The following GALNT1 variants were observed in gnomAD, a reference collection of about 807,000 sequenced individuals.
GALNT1 encodes GalNAc transferase 1.
A neutral mutation model predicts 65.7 loss-of-function variants in GALNT1; 17 were observed. That is an observed-to-expected ratio of 0.26 (90% CI 0.18 to 0.39). The LOEUF (loss-of-function observed/expected upper bound fraction) is 0.39. GALNT1 is among the 10% of genes least tolerant of loss of function. The pLI is 1.00. For synonymous variants in GALNT1, 210 were observed against 219.7 expected, an observed-to-expected ratio of 0.96 and a Z score of 0.39; for missense variants, 460 against 672.8, an observed-to-expected ratio of 0.68 and a Z score of 3.50.
Position 35,702,914 on chromosome 18 carries a change from G to T in GALNT1, c.1317G>T (p.Thr439=), listed in dbSNP as rs551436001. 6.2e-7 allele frequency: 1 copy of T among 1,604,154 alleles called. No individual in the cohort carries two copies. The highest frequency in any genetic ancestry group is 2.2e-5 in the East Asian group (1 of 44,692). ...FSLGEIRNVE[T]NQCLDNMARK... ...TCCCATAGATACGAAATGTGGAAAC[G>T]AATCAGTGTCTAGATAACATGGCTA... Residue 439 remains threonine (T), a synonymous_variant, in exon 10 of 12, where the codon ACG becomes ACT. Transcript: ENST00000269195.
rs1299388978 is a variant in GALNT1 at position 35,692,323 on chromosome 18, A to G, written c.1299+3A>G. 6.5e-7 allele frequency: 1 copy of G among 1,530,488 alleles called. No homozygotes were observed. The highest frequency in any genetic ancestry group is 1.2e-5 in the South Asian group (1 of 86,598). The allele number at this position is 1,530,488 out of a possible 1,614,324, so 94.8% of individuals were successfully genotyped here. A position where few individuals can be genotyped will look rare whatever the true frequency, so the allele number is the denominator to read the frequency against. ...GTCACTATTTCTCATTGGGAGAGGT[A>G]AGAAATATATATATATATATTCTAT... On this transcript the variant is annotated splice_donor_region_variant and intron_variant, in intron 9 of 11. Coordinates refer to ENST00000269195, the MANE Select transcript of GALNT1 (RefSeq NM_020474.4).
intron 1 of GALNT1, among the ~76,000 whole-genome samples, chr18:35,652,636 A>G (rs879652756): frequency 6.6e-6 from 1 of 152,114 alleles, no homozygotes; most frequent in Non-Finnish European, 1.5e-5. Flanking sequence ...TCATTGTTGC[A>G]TTACCATCAT....
intron 3 of GALNT1, among the ~76,000 whole-genome samples, chr18:35,670,583 T>C (rs2047620332): frequency 6.6e-6 from 1 of 152,182 alleles, no homozygotes; most frequent in South Asian, 2.1e-4. Flanking sequence ...CTACATTCAT[T>C]AGTAGGTTTG....
intron 1 of GALNT1, among the ~76,000 whole-genome samples, chr18:35,588,474 C>T (rs753272321): frequency 8.5e-5 from 13 of 152,096 alleles, no homozygotes; most frequent in Non-Finnish European, 1.9e-4. Flanking sequence ...AAGTTTATGT[C>T]ACTTGCCAAA....
intron 1 of GALNT1, among the ~76,000 whole-genome samples, chr18:35,652,960 T>C (rs537781810): frequency 1.3e-5 from 2 of 152,346 alleles, no homozygotes; most frequent in African/African-American, 4.8e-5. Context: ...TTGCCAGTGA[T>C]CAAAAGAGGC....
intron 1 of GALNT1, among the ~76,000 whole-genome samples, chr18:35,631,979 A>C (rs1208518816): frequency 2.0e-5 from 3 of 152,224 alleles, no homozygotes; most frequent in Non-Finnish European, 4.4e-5. Flanking sequence ...ATACCTAGGA[A>C]TCCAACTTAC....
chr18:35,635,801 G>C (rs75214897), intron 1 of GALNT1, among the ~76,000 whole-genome samples: 2,081 of 151,154 alleles, frequency 0.014, 43 homozygotes, highest in African/African-American at 0.046. Flanking sequence ...TCCTATTTTT[G>C]TCCACAGCTA....
At chr18:35,683,740 TAAAGG>T (rs1440324893) in intron 5 of GALNT1, 142 bp downstream of exon 5, 1 of 662,586 alleles carries the variant, frequency 1.5e-6, no homozygotes, top group African/African-American at 1.8e-5. Flanking sequence ...AAGAGGACTC[TAAAGG>T]AAATATCCAG....
intron 1 of GALNT1, among the ~76,000 whole-genome samples, chr18:35,624,245 C>T (rs1458259732): frequency 6.6e-6 from 1 of 152,230 alleles, no homozygotes; most frequent in Non-Finnish European, 1.5e-5. Context: ...TCCTGCCTCA[C>T]TTTCCAGTTG....
Position 35,691,638 on chromosome 18 carries a change from C to T in GALNT1, c.1159+446C>T, listed in dbSNP as rs964749562. 2.9e-4 allele frequency among the ~76,000 whole-genome samples: 44 copies of T among 152,306 alleles called. 1 individual carries two copies. Among genetic ancestry groups the T allele is most frequent in the African/African-American group, 9.9e-4 (41 of 41,574 alleles). On this transcript the variant is annotated intron_variant, in intron 8 of 11. Transcript: ENST00000269195. ...AGGCCCTCAATGCTGTCATAGGAGGCTTTCGTCAAGTATCACAAGGCCACT... is the reference window on the plus strand; with the variant it reads ...AGGCCCTCAATGCTGTCATAGGAGGTTTTCGTCAAGTATCACAAGGCCACT...
chr18:35,606,821 TTG>T (rs10526510), intron 1 of GALNT1, among the ~76,000 whole-genome samples: 13,457 of 135,082 alleles, frequency 0.1, 737 homozygotes, highest in East Asian at 0.3. Flanking sequence ...TGTTGATGTT[TTG>T]TGTGTGTGTG....
chr18:35,619,525 A>G (rs1017887561), intron 1 of GALNT1, among the ~76,000 whole-genome samples: 5 of 152,158 alleles, frequency 3.3e-5, no homozygotes, highest in African/African-American at 1.2e-4. Context: ...GCTCTGGGGA[A>G]TGCATGGAAA....
At chr18:35,693,819 C>G (rs1006898457) in intron 9 of GALNT1, among the ~76,000 whole-genome samples, 1 of 151,990 alleles carries the variant, frequency 6.6e-6, no homozygotes, top group African/African-American at 2.4e-5. Context: ...GTTTTTAAAG[C>G]CACAAAACTG....
intron 1 of GALNT1, among the ~76,000 whole-genome samples, chr18:35,643,094 C>G (rs190420493): frequency 2.0e-5 from 3 of 152,068 alleles, no homozygotes; most frequent in Admixed American, 1.3e-4. Context: ...CAGAAGAAAC[C>G]TTTTGAGGAG....
intron 3 of GALNT1, among the ~76,000 whole-genome samples, chr18:35,670,501 C>A (rs2144519525): frequency 6.6e-6 from 1 of 152,090 alleles, no homozygotes; most frequent in East Asian, 1.9e-4. Context: ...AAATTAAATA[C>A]CTAAATAAAT....
intron 2 of GALNT1, chr18:35,659,939 G>A (rs1211615334): frequency 1.3e-5 from 2 of 152,120 alleles, no homozygotes; most frequent in African/African-American, 2.4e-5. Context: ...AGGTATAGAT[G>A]ATATTTTGAT....
intron 4 of GALNT1, among the ~76,000 whole-genome samples, chr18:35,677,960 T>C (rs533314683): frequency 2.0e-5 from 3 of 152,290 alleles, no homozygotes; most frequent in South Asian, 2.1e-4. Context: ...ATTAATTTAA[T>C]TTGTGTGTTG....
intron 1 of GALNT1, among the ~76,000 whole-genome samples, chr18:35,614,614 A>G (rs544346462): frequency 1.2e-4 from 19 of 152,300 alleles, no homozygotes; most frequent in Middle Eastern, 3.4e-3. Context: ...AGCAACAAAG[A>G]GCTACAGGGC....
intron 2 of GALNT1, among the ~76,000 whole-genome samples, chr18:35,656,222 C>T (rs2047383498): frequency 6.6e-6 from 1 of 152,152 alleles, no homozygotes; most frequent in Non-Finnish European, 1.5e-5. Context: ...AATGTAAAGA[C>T]TTGACAGTGA....
Sources: gnomAD v4.1 joint callset for allele counts (sites outside exome capture counted in the v4.1 genomes callset) on GRCh38, gnomAD v4.1.1 for gene constraint, MANE v1.5 for transcripts, NCBI Gene and HGNC (gene_info 2026-07-23, HGNC 2026-07-21) for gene names.